The following CNTN3 variants were observed in gnomAD, a reference collection of about 807,000 sequenced individuals.
CNTN3 encodes contactin 3.
CNTN3 carries 60 observed loss-of-function variants against 119.1 expected under a neutral mutation model. The ratio of observed to expected loss-of-function variants is 0.50; its 90% CI spans 0.41 to 0.62. The LOEUF (loss-of-function observed/expected upper bound fraction) is 0.62, where lower values mean the gene tolerates loss of function less well. Ranked by LOEUF, CNTN3 falls within the 20% of genes least tolerant of loss-of-function variation. CNTN3 has a pLI of 0.00. For synonymous variants in CNTN3, 450 were observed against 438.7 expected, an observed-to-expected ratio of 1.03 and a Z score of -0.32; for missense variants, 1,101 against 1,242.4, an observed-to-expected ratio of 0.89 and a Z score of 1.71.
intron 5 of CNTN3, among the ~76,000 whole-genome samples, chr3:74,417,966 A>T (rs1701551310): frequency 2.0e-5 from 3 of 152,326 alleles, no homozygotes; most frequent in African/African-American, 7.2e-5. Context: ...GGAGCAATAA[A>T]TAAGCAGTAA....
chr3:74,610,530 G>T (rs886337336), intron 1 of CNTN3, among the ~76,000 whole-genome samples: 2 of 152,104 alleles, frequency 1.3e-5, no homozygotes, highest in African/African-American at 4.8e-5. Flanking sequence ...AATTGTCAAA[G>T]GGACAGTAGT....
At chr3:74,446,989 T>C (rs1438019474) in intron 4 of CNTN3, among the ~76,000 whole-genome samples, 1 of 152,192 alleles carries the variant, frequency 6.6e-6, no homozygotes, top group Non-Finnish European at 1.5e-5. Context: ...TTCAAAGACG[T>C]TTTTCTTTGT....
intron 4 of CNTN3, among the ~76,000 whole-genome samples, chr3:74,484,881 TC>T (rs996258603): frequency 6.6e-6 from 1 of 152,144 alleles, no homozygotes; most frequent in African/African-American, 2.4e-5. Context: ...ATGATGACAT[TC>T]CTTAAAATGA....
intron 10 of CNTN3, among the ~76,000 whole-genome samples, chr3:74,363,798 C>T (rs919827417): frequency 6.6e-6 from 1 of 152,090 alleles, no homozygotes; most frequent in Non-Finnish European, 1.5e-5. Flanking sequence ...ATAACATGGA[C>T]TGATGAGCAA....
intron 3 of CNTN3, among the ~76,000 whole-genome samples, chr3:74,493,862 T>G (rs1438286321): frequency 6.6e-6 from 1 of 152,170 alleles, no homozygotes; most frequent in Non-Finnish European, 1.5e-5. Context: ...GTTGCCATGC[T>G]GTTTTTTTAA....
At chr3:74,351,986 C>G (rs1224533972) in intron 11 of CNTN3, among the ~76,000 whole-genome samples, 1 of 152,184 alleles carries the variant, frequency 6.6e-6, no homozygotes, top group Non-Finnish European at 1.5e-5. Flanking sequence ...GTGCTCTACT[C>G]TCTAGAACTC....
chr3:74,420,200 G>C (rs576679359), intron 5 of CNTN3, among the ~76,000 whole-genome samples: 1 of 152,282 alleles, frequency 6.6e-6, no homozygotes, highest in African/African-American at 2.4e-5. Context: ...CGAGGTTACA[G>C]GGATTCCTAG....
At chr3:74,274,496 C>T (rs1387535782) in intron 20 of CNTN3, among the ~76,000 whole-genome samples, 4 of 152,142 alleles carry the variant, frequency 2.6e-5, no homozygotes, top group South Asian at 2.1e-4. Flanking sequence ...CAGACAACCC[C>T]CAGTACAAGC....
At chr3:74,329,648 C>G (rs1205392338) in intron 13 of CNTN3, among the ~76,000 whole-genome samples, 2 of 152,126 alleles carry the variant, frequency 1.3e-5, no homozygotes, top group African/African-American at 2.4e-5. Context: ...TCTTCACATA[C>G]CAGTCAACAG....
At chr3:74,367,543 G>C (rs991772642) in intron 8 of CNTN3, among the ~76,000 whole-genome samples, 1 of 151,996 alleles carries the variant, frequency 6.6e-6, no homozygotes, top group African/African-American at 2.4e-5. Context: ...TTTGAGGAGA[G>C]GACTTCTAGA....
chr3:74,548,094 C>T lies in CNTN3; in HGVS notation c.-80-26902G>A, dbSNP rs137963897. Among the ~76,000 whole-genome samples the T allele has an allele frequency of 2.2e-3, 338 of 152,234 alleles. 4 individuals carry two copies. Among genetic ancestry groups the T allele is most frequent in the African/African-American group, 7.6e-3 (315 of 41,566 alleles). On this transcript the variant is annotated intron_variant, in intron 1 of 22. Coordinates refer to ENST00000263665, the MANE Select transcript of CNTN3 (RefSeq NM_020872.3). ...AACACTATCTTTGGTATACAATCGA[C>T]CACCCCAAGATCTATTTCTGGATTC...
rs559828873 is a variant in CNTN3, at chr3:74,591,611, G to A, written c.-81+22780C>T. ...GGGAAACAGCTGGCAAGATGGAGCTGAGGAAAAATGCAAAGAAGACTCCAT... is the reference window on the plus strand; with the variant it reads ...GGGAAACAGCTGGCAAGATGGAGCTAAGGAAAAATGCAAAGAAGACTCCAT... On this transcript the variant is annotated intron_variant, in intron 1 of 22. Coordinates refer to ENST00000263665, the MANE Select transcript of CNTN3 (RefSeq NM_020872.3). 2.4e-3 allele frequency among the ~76,000 whole-genome samples: 371 copies of A among 151,908 alleles called. 1 individual carries two copies. Among genetic ancestry groups the A allele is most frequent in the Middle Eastern group, 6.8e-3 (2 of 294 alleles).
intron 1 of CNTN3, among the ~76,000 whole-genome samples, chr3:74,581,887 T>A (rs190384915): frequency 7.4e-4 from 112 of 152,172 alleles, no homozygotes; most frequent in Non-Finnish European, 1.4e-3. Context: ...AGAAAAAAAA[T>A]GAATACTTAC....
Position 74,263,435 on chromosome 3 carries a change from G to A in CNTN3, c.*966C>T, listed in dbSNP as rs1239808419. 1.3e-5 allele frequency: 2 copies of A among 152,018 alleles called. No individual in the cohort carries two copies. Among genetic ancestry groups the A allele is most frequent in the Admixed American group, 6.6e-5 (1 of 15,244 alleles). The allele number at this position is 152,018 out of a possible 1,614,324, so 9.4% of individuals were successfully genotyped here. A position where few individuals can be genotyped will look rare whatever the true frequency, so the allele number is the denominator to read the frequency against. ...TGTTTAATATTTGGGTTGAGATTCA[G>A]GTCATTCCTGATTTTTTCCTCTAGG... On this transcript the variant is annotated 3_prime_UTR_variant, in exon 23 of 23. Transcript: ENST00000263665.
intron 5 of CNTN3, among the ~76,000 whole-genome samples, chr3:74,392,505 A>AT (rs1283544935): frequency 2.0e-5 from 3 of 152,212 alleles, no homozygotes; most frequent in Non-Finnish European, 4.4e-5. Flanking sequence ...ATTTATAAAA[A>AT]TGTCAATATC....
At chr3:74,466,497 C>T (rs914639784) in intron 4 of CNTN3, among the ~76,000 whole-genome samples, 4 of 152,106 alleles carry the variant, frequency 2.6e-5, no homozygotes, top group African/African-American at 9.7e-5. Flanking sequence ...AGAGGCATAA[C>T]TGTTTTGGTG....
chr3:74,567,671 G>A (rs544848680), intron 1 of CNTN3, among the ~76,000 whole-genome samples: 2 of 152,226 alleles, frequency 1.3e-5, no homozygotes, highest in African/African-American at 4.8e-5. Flanking sequence ...AAGACAAAGA[G>A]TGGATCATTT....
At chr3:74,569,978 C>A (rs1394324121) in intron 1 of CNTN3, among the ~76,000 whole-genome samples, 1 of 152,114 alleles carries the variant, frequency 6.6e-6, no homozygotes, top group Admixed American at 6.6e-5. Context: ...AGGTGGTTCA[C>A]AACAGGGATG....
chr3:74,499,715 T>G lies in CNTN3; in HGVS notation c.126A>C (p.Glu42Asp), dbSNP rs138596182. 39 of 1,611,794 alleles carry G rather than the reference T, an allele frequency of 2.4e-5. No homozygotes were observed. In the African/African-American group the frequency reaches 5.1e-4, roughly 21 times the overall value. ...CACAATGCAAAGTTATTTTTTTATC[T>G]TCTGAACCAACAGGGAAAATGCTGT... is the stretch of plus-strand genomic sequence containing the variant. The part of the protein sequence containing the change: ...PSNSIFPVGS[E>D]DKKITLHCEA... Residue 42 changes from glutamate to aspartate, a missense_variant, in exon 3 of 23, where the codon GAA becomes GAC. Coordinates refer to ENST00000263665, the MANE Select transcript of CNTN3 (RefSeq NM_020872.3).
Sources: allele counts gnomAD v4.1 joint callset (sites outside exome capture counted in the v4.1 genomes callset), GRCh38; gene constraint gnomAD v4.1.1; transcripts MANE v1.5; gene names NCBI Gene and HGNC (gene_info 2026-07-23, HGNC 2026-07-21).